The following AIRE variants were observed in gnomAD, a reference collection of about 807,000 sequenced individuals.
AIRE encodes the protein autoimmune polyendocrinopathy candidiasis ectodermal dystrophy protein.
In AIRE, 52 loss-of-function variants were observed where a neutral mutation model predicts 62.1. The ratio of observed to expected loss-of-function variants is 0.84; its 90% confidence interval spans 0.67 to 1.06. The LOEUF (loss-of-function observed/expected upper bound fraction) is 1.06. AIRE is among the 50% of genes least tolerant of loss of function. The probability of loss-of-function intolerance (pLI) is 0.00; values close to 1 mark genes in which losing one functional copy is unlikely to be tolerated. For missense variants in AIRE, 774 were observed against 755.8 expected (o/e 1.02, Z -0.28); for synonymous variants, 342 against 321.6 (o/e 1.06, Z -0.68).
At position 44,294,438 on chromosome 21, in the gene AIRE, ACCCCAGCCCCTGTGGAGGGGGTGCTGGC is replaced by A. The variant is rs1268377224; in HGVS notation, c.1449_1476del (p.Val484ProfsTer28). ...CTGCAGATCCTGCTCAGGAGACGTG[ACCCCAGCCCCTGTGGAGGGGGTGCTGGC>A]CCCCAGCCCCGCCCGCCTGGCCCCT... On this transcript the variant is annotated frameshift_variant, in exon 12 of 14. Transcript: ENST00000291582. LOFTEE classifies it high-confidence loss of function. 1 of 1,573,144 alleles carries A rather than the reference ACCCCAGCCCCTGTGGAGGGGGTGCTGGC, an allele frequency of 6.4e-7. No homozygotes were observed. Among genetic ancestry groups the A allele is most frequent in the Non-Finnish European group, 8.6e-7 (1 of 1,167,398 alleles).
intron 13 of AIRE, 39 bp downstream of exon 13, chr21:44,296,484 C>T (rs754431144): frequency 6.3e-7 from 1 of 1,575,516 alleles, no homozygotes; most frequent in Admixed American, 1.7e-5. Flanking sequence ...CCTCCACTCC[C>T]CCTCCCCTGC....
At position 44,294,486 on chromosome 21, in the gene AIRE, G is replaced by A; in HGVS notation, c.1486G>A (p.Ala496Thr). ...GCTGGCCCCCAGCCCCGCCCGCCTG[G>A]CCCCTGGGCCTGCCAAGGTCAGTGC... The part of the protein sequence containing the change: ...GVLAPSPARL[A>T]PGPAKDDTAS... The change falls in exon 12 of 14, where the codon GCC becomes ACC. Residue 496 changes from alanine (A) to threonine (T), a missense_variant. Physicochemically the swap from Ala to Thr is moderately conservative, Grantham distance 58. Transcript: ENST00000291582. 1 of 1,521,424 alleles carries A rather than the reference G, an allele frequency of 6.6e-7. No homozygotes were observed. 94.2% of individuals were successfully genotyped at this position (1,521,424 alleles called of 1,614,324 possible). A position where few individuals can be genotyped will look rare whatever the true frequency, so the allele number is the denominator to read the frequency against.
rs766234328 is a variant in AIRE, at chr21:44,291,223, C to T, written c.995+13C>T. On this transcript the variant is annotated intron_variant, in intron 8 of 13. Coordinates refer to ENST00000291582, the MANE Select transcript of AIRE (RefSeq NM_000383.4). ...GGGAGATCCCCAGGTGAGCCTGCAC[C>T]TCTGCCAGCGCAACCAGGCCACCCC... 8.8e-6 allele frequency: 14 copies of T among 1,598,304 alleles called. No homozygotes were observed. The highest frequency in any genetic ancestry group is 5.0e-5 in the Admixed American group (3 of 59,936).
intron 5 of AIRE, chr21:44,289,396 C>T: frequency 1.8e-6 from 1 of 542,800 alleles, no homozygotes; most frequent in Non-Finnish European, 3.3e-6. Flanking sequence ...CTAATCACAT[C>T]TACAAAGACC....
In AIRE at chr21:44,295,682, T is replaced by TC. The variant is rs571123523; in HGVS notation, c.1504-695dup. ...GGAAAAGTTCTGGCTGGCCTTGGCCTCCCCCCTCAGCCTGCCCCCTTCCTC... is the reference window on the plus strand; with the variant it reads ...GGAAAAGTTCTGGCTGGCCTTGGCCTCCCCCCCTCAGCCTGCCCCCTTCCTC... On this transcript the variant is annotated intron_variant, in intron 12 of 13. Coordinates refer to ENST00000291582, the MANE Select transcript of AIRE (RefSeq NM_000383.4). 2.6e-4 allele frequency among the ~76,000 whole-genome samples: 39 copies of TC among 152,170 alleles called. 2 individuals carry two copies. The South Asian group carries it at 8.1e-3, about 32-fold the overall frequency.
In AIRE at chr21:44,287,716, C is replaced by T; in HGVS notation, c.538+125C>T. 9.7e-7 allele frequency: 1 copy of T among 1,034,652 alleles called. No individual in the cohort carries two copies. The highest frequency in any genetic ancestry group is 1.5e-6 in the Non-Finnish European group (1 of 688,750). The allele number at this position is 1,034,652 out of a possible 1,614,324, so 64.1% of individuals were successfully genotyped here. On this transcript the variant is annotated intron_variant, in intron 4 of 13. Coordinates refer to ENST00000291582, the MANE Select transcript of AIRE (RefSeq NM_000383.4). This position sits in a 1 kb window ranked among gnomAD's most constrained non-coding sequence, Gnocchi z 4.3. ...CTGGGGACGTGCTGGCCTGGTGTGT[C>T]ATTCCAAGGGCCTAAGCTGCACCAC...
At chr21:44,294,609 C>T (rs924535228) in intron 12 of AIRE, 106 bp downstream of exon 12, 10 of 520,102 alleles carry the variant, frequency 1.9e-5, no homozygotes, top group Non-Finnish European at 3.3e-5. Flanking sequence ...GTGCCAGCTT[C>T]GAGGGCTTGC....
At chr21:44,290,673 C>A (rs867308507) in intron 7 of AIRE, 1 of 1,229,284 alleles carries the variant, frequency 8.1e-7, no homozygotes, top group African/African-American at 1.6e-5. Flanking sequence ...ACCTGGGAGA[C>A]CCCTGAAGGC....
chr21:44,293,113 C>G lies in AIRE; in HGVS notation c.1216C>G (p.Leu406Val), dbSNP rs764589497. The G allele has an allele frequency of 6.2e-7, 1 of 1,604,576 alleles. No individual in the cohort carries two copies. The highest frequency in any genetic ancestry group is 2.2e-5 in the East Asian group (1 of 44,530). ...HLPAPPSAAP[L>V]PGLDSSALHP... ...GCCGGCTCCGCCTTCTGCAGCCCCG[C>G]TGCCAGGGCTGGACTCCTCGGCCCT... The change falls in exon 10 of 14, where the codon CTG (leucine) becomes GTG (valine). Residue 406 changes from leucine (L) to valine (V), a missense_variant. Physicochemically the swap from Leu to Val is conservative, Grantham distance 32 (BLOSUM62 1). This residue lies in a region of AIRE where 354 missense variants were observed against 296.1 expected (regional missense o/e 1.20). Transcript: ENST00000291582.
Position 44,289,970 on chromosome 21 carries a change from C to A in AIRE, c.799-18C>A. 2 of 1,609,460 alleles carry A rather than the reference C, an allele frequency of 1.2e-6. No individual in the cohort carries two copies. The highest frequency in any genetic ancestry group is 2.2e-5 in the South Asian group (2 of 90,596). ...CTGCTGAGGCTGCCCCCATTGCTGA[C>A]GCCCCTCTTCCTTGCAGGGTGGAGG... is the stretch of plus-strand genomic sequence containing the variant. On this transcript the variant is annotated intron_variant, in intron 6 of 13. Coordinates refer to ENST00000291582, the MANE Select transcript of AIRE (RefSeq NM_000383.4).
At position 44,289,708 on chromosome 21, in the gene AIRE, A is replaced by G; in HGVS notation, c.704A>G (p.Lys235Arg). 1 of 1,612,824 alleles carries G rather than the reference A, an allele frequency of 6.2e-7. No homozygotes were observed. The highest frequency in any genetic ancestry group is 1.1e-5 in the South Asian group (1 of 91,080). Reference sequence around the variant, plus strand: ...GGCGGGGAGTTCTACACTCCCAGCAAGTTCGAAGACTCCGGCAGTGGGAAG... The same window carrying G: ...GGCGGGGAGTTCTACACTCCCAGCAGGTTCGAAGACTCCGGCAGTGGGAAG... ...QVGGEFYTPSKFEDSGSGKNK... is the reference protein window; with the variant it reads ...QVGGEFYTPSRFEDSGSGKNK... Residue 235 changes from lysine to arginine, a missense_variant, in exon 6 of 14, where the codon AAG becomes AGG. Around this residue, in one of 3 missense-constraint regions of AIRE, gnomAD observed 385 missense variants for 396.0 expected, o/e 0.97. Transcript: ENST00000291582.
Position 44,285,984 on chromosome 21 carries a change from C to A in AIRE, c.-23C>A. The A allele has an allele frequency of 6.6e-7, 1 of 1,524,850 alleles. No individual in the cohort carries two copies. The highest frequency in any genetic ancestry group is 8.8e-7 in the Non-Finnish European group (1 of 1,141,100). 94.5% of individuals were successfully genotyped at this position (1,524,850 alleles called of 1,614,324 possible). On this transcript the variant is annotated 5_prime_UTR_variant, in exon 1 of 14. Transcript: ENST00000291582. ...CCGGGACCCACCGCGTCCGCCCCAG[C>A]CCCGGGTCCCCGCGCCCACCCCATG...
At chr21:44,292,514 A>G in intron 9 of AIRE, 113 bp downstream of exon 9, 1 of 738,888 alleles carries the variant, frequency 1.4e-6, no homozygotes, top group East Asian at 2.7e-5. Flanking sequence ...CCTGTGGGAC[A>G]GGACTGCCCC....
intron 9 of AIRE, 119 bp from the exon 10 acceptor site, chr21:44,292,874 A>ATGCCAGCCCTCCGCCCCCACCC: frequency 3.6e-6 from 3 of 839,000 alleles, no homozygotes; most frequent in Non-Finnish European, 3.9e-6. Flanking sequence ...CGCCCCCACC[A>ATGCCAGCCCTCCGCCCCCACCC]TGCCAGGCCT....
chr21:44,294,291 C>T (rs2040582233), intron 11 of AIRE, 110 bp from the exon 12 acceptor site: 1 of 622,180 alleles, frequency 1.6e-6, no homozygotes, highest in Non-Finnish European at 2.8e-6. Context: ...CCTCACACCC[C>T]ACACCCCCAT....
Position 44,292,388 on chromosome 21 carries a change from C to T in AIRE, c.1082C>T (p.Pro361Leu). ...GAGGAGCCCCGGCCCCAGGAGCCAC[C>T]CGTGGAGACCCCGGTATGGCCACGC... ...RAEEPRPQEPPVETPLPPGLR... is the reference protein window; with the variant it reads ...RAEEPRPQEPLVETPLPPGLR... The change falls in exon 9 of 14, where the codon CCC becomes CTC. Residue 361 changes from proline to leucine, a missense_variant. By Grantham distance (98) the Pro-to-Leu change is moderately conservative. Around this residue, in one of 3 missense-constraint regions of AIRE, gnomAD observed 354 missense variants for 296.1 expected, o/e 1.20. Transcript: ENST00000291582. 1 of 1,554,238 alleles carries T rather than the reference C, an allele frequency of 6.4e-7. No homozygotes were observed. Among genetic ancestry groups the T allele is most frequent in the Non-Finnish European group, 8.7e-7 (1 of 1,148,918 alleles).
chr21:44,292,549 C>T (rs1268067524), intron 9 of AIRE, 148 bp downstream of exon 9: 2 of 636,740 alleles, frequency 3.1e-6, no homozygotes, highest in Admixed American at 5.0e-5. Flanking sequence ...GTCCCCCATG[C>T]CCAAGCCCGG....
At position 44,296,576 on chromosome 21, in the gene AIRE, C is replaced by T. The variant is rs1247901096; in HGVS notation, c.1566+131C>T. ...TTGAGCCGTGGAAACTCAGGCTGTC[C>T]CTGCTCCACCCACCAGGAGCCCCAG... On this transcript the variant is annotated intron_variant, in intron 13 of 13. Transcript: ENST00000291582. The T allele has an allele frequency of 8.0e-6, 7 of 871,562 alleles. No homozygotes were observed. The African/African-American group carries it at 1.2e-4, about 14-fold the overall frequency. The allele number at this position is 871,562 out of a possible 1,614,324, so 54.0% of individuals were successfully genotyped here.
Position 44,297,343 on chromosome 21 carries a change from G to T in AIRE, c.1567-313G>T, listed in dbSNP as rs1186672719. Among the ~76,000 whole-genome samples the T allele has an allele frequency of 1.3e-5, 2 of 148,724 alleles. No homozygotes were observed. Among genetic ancestry groups the T allele is most frequent in the Non-Finnish European group, 3.0e-5 (2 of 67,602 alleles). Reference sequence around the variant, plus strand: ...CCTGAAGGAGCCACCCGAGGAGGCAGAACTGCCATGAACTGCCATGGGGAT... The same window carrying T: ...CCTGAAGGAGCCACCCGAGGAGGCATAACTGCCATGAACTGCCATGGGGAT... On this transcript the variant is annotated intron_variant, in intron 13 of 13. Transcript: ENST00000291582. This position sits in a 1 kb window ranked among gnomAD's most constrained non-coding sequence, Gnocchi z 4.8.
Sources: allele counts gnomAD v4.1 joint callset (sites outside exome capture counted in the v4.1 genomes callset), GRCh38; gene constraint gnomAD v4.1.1; regional missense constraint gnomAD v4.1.1; non-coding constraint Gnocchi (gnomAD v3.1); transcripts MANE v1.5; gene names NCBI Gene and HGNC (gene_info 2026-07-23, HGNC 2026-07-21).